The following KCNIP1 variants were observed in gnomAD, a reference collection of about 807,000 sequenced individuals.
The protein encoded by KCNIP1 is potassium voltage-gated channel interacting protein 1.
KCNIP1 carries 18 observed loss-of-function variants against 33.0 expected under a neutral mutation model. That is an observed-to-expected ratio of 0.55 (90% CI 0.38 to 0.81). The LOEUF (loss-of-function observed/expected upper bound fraction) is 0.81. KCNIP1 is among the 30% of genes least tolerant of loss of function. The probability of loss-of-function intolerance (pLI) is 0.00; values close to 1 mark genes in which losing one functional copy is unlikely to be tolerated. For synonymous variants in KCNIP1, 93 were observed against 98.3 expected, an observed-to-expected ratio of 0.95 and a Z score of 0.32; for missense variants, 238 against 271.6, an observed-to-expected ratio of 0.88 and a Z score of 0.87.
At chr5:170,735,325 A>G (rs989792868) in intron 7 of KCNIP1, among the ~76,000 whole-genome samples, 6 of 152,214 alleles carry the variant, frequency 3.9e-5, no homozygotes, top group African/African-American at 1.4e-4. Context: ...GGTTCAGAGA[A>G]GAAAATATCT....
intron 1 of KCNIP1, among the ~76,000 whole-genome samples, chr5:170,457,264 A>T (rs922087476): frequency 2.6e-5 from 4 of 152,256 alleles, no homozygotes; most frequent in South Asian, 2.1e-4. Context: ...ATAGGTATTT[A>T]AAAAAGATTA....
intron 1 of KCNIP1, among the ~76,000 whole-genome samples, chr5:170,387,424 GC>G (rs1357121540): frequency 4.5e-4 from 69 of 152,256 alleles, no homozygotes; most frequent in African/African-American, 1.6e-3. Flanking sequence ...TAGCCAGGCT[GC>G]CCTCATACCC....
At chr5:170,670,185 C>T (rs1000312217) in intron 1 of KCNIP1, among the ~76,000 whole-genome samples, 1 of 152,052 alleles carries the variant, frequency 6.6e-6, no homozygotes, top group African/African-American at 2.4e-5. Flanking sequence ...TCCAGACCGT[C>T]CTCTAATATT....
At chr5:170,636,898 C>A (rs985020250) in intron 1 of KCNIP1, among the ~76,000 whole-genome samples, 1 of 152,228 alleles carries the variant, frequency 6.6e-6, no homozygotes, top group Admixed American at 6.5e-5. Context: ...TGTGAAACAA[C>A]CTCCTCAAGG....
intron 1 of KCNIP1, among the ~76,000 whole-genome samples, chr5:170,403,816 GC>G (rs1754968134): frequency 6.6e-6 from 1 of 152,190 alleles, no homozygotes; most frequent in Admixed American, 6.5e-5. Context: ...CTCCTACTAC[GC>G]CGGCTTTGGT....
At position 170,361,740 on chromosome 5, in the gene KCNIP1, C is replaced by A. The variant is rs375057239; in HGVS notation, c.88+7776C>A. Among the ~76,000 whole-genome samples, 8 of 152,326 alleles carry A rather than the reference C, an allele frequency of 5.3e-5. No individual in the cohort carries two copies. The East Asian group carries it at 9.6e-4, about 18-fold the overall frequency. ...GGGACTCTTCCTGGCTTACAGACAGCATCTCCTGCTGTATTCTGACGTGGA... is the reference window on the plus strand; with the variant it reads ...GGGACTCTTCCTGGCTTACAGACAGAATCTCCTGCTGTATTCTGACGTGGA... On this transcript the variant is annotated intron_variant, in intron 1 of 7. Coordinates refer to the KCNIP1 transcript ENST00000377360.
chr5:170,411,204 C>T (rs937927127), intron 1 of KCNIP1, among the ~76,000 whole-genome samples: 55 of 152,322 alleles, frequency 3.6e-4, no homozygotes, highest in African/African-American at 1.3e-3. Context: ...GCTACAGCTC[C>T]TTGGTAGCAC....
chr5:170,367,116 C>T (rs984342506), intron 1 of KCNIP1, among the ~76,000 whole-genome samples: 6 of 151,838 alleles, frequency 4.0e-5, no homozygotes, highest in Non-Finnish European at 7.4e-5. Flanking sequence ...GTCAGGAGCT[C>T]GAGACCATTC....
chr5:170,388,338 T>A (rs1366125035), intron 1 of KCNIP1, among the ~76,000 whole-genome samples: 1 of 152,150 alleles, frequency 6.6e-6, no homozygotes, highest in Non-Finnish European at 1.5e-5. Flanking sequence ...GTATTCAGCA[T>A]CCAAAGGGAG....
At chr5:170,413,362 G>T (rs1755247606) in intron 1 of KCNIP1, among the ~76,000 whole-genome samples, 1 of 152,206 alleles carries the variant, frequency 6.6e-6, no homozygotes, top group African/African-American at 2.4e-5. Flanking sequence ...TGGTCATAAT[G>T]ACACCTTTCT....
chr5:170,554,729 G>A (rs575614626), intron 1 of KCNIP1, among the ~76,000 whole-genome samples: 6 of 152,134 alleles, frequency 3.9e-5, no homozygotes, highest in East Asian at 1.9e-4. Flanking sequence ...CATGTAATCC[G>A]TCTGCCAGAG....
intron 1 of KCNIP1, chr5:170,679,211 C>T (rs1179038430): frequency 6.6e-6 from 1 of 152,194 alleles, no homozygotes; most frequent in African/African-American, 2.4e-5. Flanking sequence ...AACACCCTAC[C>T]ATGGCTGATT....
At chr5:170,480,931 A>G (rs1756963730) in intron 1 of KCNIP1, among the ~76,000 whole-genome samples, 1 of 152,224 alleles carries the variant, frequency 6.6e-6, no homozygotes, top group Non-Finnish European at 1.5e-5. Flanking sequence ...AAAAGTGCCT[A>G]TCGATGCTTA....
intron 1 of KCNIP1, among the ~76,000 whole-genome samples, chr5:170,472,049 CG>C (rs1469926227): frequency 6.6e-6 from 1 of 152,138 alleles, no homozygotes; most frequent in Admixed American, 6.5e-5. Flanking sequence ...CTTCCTCTGC[CG>C]GCCCACCCCC....
chr5:170,509,562 T>C (rs1185674760), intron 1 of KCNIP1, among the ~76,000 whole-genome samples: 2 of 152,142 alleles, frequency 1.3e-5, no homozygotes, highest in Non-Finnish European at 2.9e-5. Flanking sequence ...AGATGAATGA[T>C]TGAATGAATG....
At chr5:170,690,092 G>A (rs145723143) in intron 1 of KCNIP1, among the ~76,000 whole-genome samples, 14 of 152,214 alleles carry the variant, frequency 9.2e-5, no homozygotes, top group East Asian at 1.9e-4. Context: ...CTACTGCCCC[G>A]CACGGTGCCC....
rs543550654 is a variant in KCNIP1 at position 170,703,264 on chromosome 5, G to T, written c.62-15494G>T. The stretch of plus-strand genomic sequence containing the variant: ...CAGAGGAAAGGAATTGTTGAACAGG[G>T]ATTGCAGATTCAGGTATATAAACGA... On this transcript the variant is annotated intron_variant, in intron 1 of 7. Coordinates refer to ENST00000328939, the MANE Select transcript of KCNIP1 (RefSeq NM_014592.4). Among the ~76,000 whole-genome samples, 26 of 137,842 alleles carry T rather than the reference G, an allele frequency of 1.9e-4. 5 individuals are homozygous for T. In the South Asian group the frequency reaches 5.7e-3, roughly 30 times the overall value. The allele number at this position is 137,842 out of a possible 152,430, so 90.4% of individuals were successfully genotyped here.
At chr5:170,391,780 G>T (rs1754602104) in intron 1 of KCNIP1, among the ~76,000 whole-genome samples, 1 of 152,302 alleles carries the variant, frequency 6.6e-6, no homozygotes, top group South Asian at 2.1e-4. Flanking sequence ...CAGTTTGTCT[G>T]TCTCTAAAAT....
At chr5:170,702,213 A>G (rs35327487) in intron 1 of KCNIP1, among the ~76,000 whole-genome samples, 25,004 of 152,180 alleles carry the variant, frequency 0.16, 2,521 homozygotes, top group African/African-American at 0.28. Flanking sequence ...CACCTAGTAG[A>G]CACTCAGTAA....
Sources: allele counts gnomAD v4.1 joint callset (sites outside exome capture counted in the v4.1 genomes callset), GRCh38; gene constraint gnomAD v4.1.1; transcripts MANE v1.5; gene names NCBI Gene and HGNC (gene_info 2026-07-23, HGNC 2026-07-21).